MLLT3: variants seen among roughly 807,000 people sequenced by gnomAD.
MLLT3 encodes MLLT3 super elongation complex subunit.
In MLLT3, 4 loss-of-function variants were observed where a neutral mutation model predicts 53.2. The ratio of observed to expected loss-of-function variants is 0.08; its 90% CI spans 0.04 to 0.17. The LOEUF is 0.17. Among genes scored for constraint, MLLT3 ranks in the 10% least tolerant of loss-of-function variants. The pLI is 1.00. For missense variants in MLLT3, 569 were observed against 684.0 expected, an observed-to-expected ratio of 0.83 and a Z score of 1.87; for synonymous variants, 283 against 230.6, an observed-to-expected ratio of 1.23 and a Z score of -2.06.
chr9:20,430,304 ACT>A (rs1823233555), intron 4 of MLLT3, among the ~76,000 whole-genome samples: 1 of 152,138 alleles, frequency 6.6e-6, no homozygotes, highest in African/African-American at 2.4e-5. Context: ...GAGAACTTAC[ACT>A]GAGTCTAAAA....
At chr9:20,506,077 C>T (rs1334781499) in intron 2 of MLLT3, among the ~76,000 whole-genome samples, 1 of 123,810 alleles carries the variant, frequency 8.1e-6, no homozygotes, top group Admixed American at 8.3e-5. Flanking sequence ...CTTTTTTTCT[C>T]TCTTTTTTTT....
chr9:20,487,774 A>C (rs1403619937), intron 2 of MLLT3, among the ~76,000 whole-genome samples: 1 of 152,176 alleles, frequency 6.6e-6, no homozygotes, highest in Non-Finnish European at 1.5e-5. Flanking sequence ...ATAAGGGATT[A>C]TTTCCATTGA....
intron 2 of MLLT3, among the ~76,000 whole-genome samples, chr9:20,464,669 G>A (rs529532184): frequency 4.6e-5 from 7 of 152,176 alleles, no homozygotes; most frequent in East Asian, 3.9e-4. Flanking sequence ...GAAAAAAAGC[G>A]GGGAGGGTAT....
chr9:20,471,833 ATT>A (rs202241460), intron 2 of MLLT3, among the ~76,000 whole-genome samples: 7 of 143,196 alleles, frequency 4.9e-5, no homozygotes, highest in African/African-American at 1.0e-4. Flanking sequence ...GTCACCTACC[ATT>A]TTTTTTTTTT....
Position 20,420,459 on chromosome 9 carries a change from A to G in MLLT3, c.421-6034T>C, listed in dbSNP as rs139370178. Among the ~76,000 whole-genome samples the G allele has an allele frequency of 1.5e-3, 230 of 152,362 alleles. 3 individuals carry two copies. In the East Asian group the frequency reaches 0.03, roughly 20 times the overall value. On this transcript the variant is annotated intron_variant, in intron 4 of 10. Coordinates refer to ENST00000380338, the MANE Select transcript of MLLT3 (RefSeq NM_004529.4). ...AAGAAAGTATGAGTGCTAGATTAATATCAGATCATGTGGAATTCAACGTTG... is the reference window on the plus strand; with the variant it reads ...AAGAAAGTATGAGTGCTAGATTAATGTCAGATCATGTGGAATTCAACGTTG...
chr9:20,592,781 C>T lies in MLLT3; in HGVS notation c.193+27873G>A, dbSNP rs543741914. Among the ~76,000 whole-genome samples, 7 of 152,170 alleles carry T rather than the reference C, an allele frequency of 4.6e-5. No individual in the cohort carries two copies. In the East Asian group the frequency reaches 1.3e-3, roughly 29 times the overall value. On this transcript the variant is annotated intron_variant, in intron 2 of 10. Coordinates refer to ENST00000380338, the MANE Select transcript of MLLT3 (RefSeq NM_004529.4). ...GTCTAACCAGATCCCTCCTAGAATGCAGGTGCACTTCAGCCATACGATTAC... is the reference window on the plus strand; with the variant it reads ...GTCTAACCAGATCCCTCCTAGAATGTAGGTGCACTTCAGCCATACGATTAC...
chr9:20,561,734 A>G (rs1433760815), intron 2 of MLLT3, among the ~76,000 whole-genome samples: 1 of 152,202 alleles, frequency 6.6e-6, no homozygotes, highest in African/African-American at 2.4e-5. Context: ...TGAAGTTTAC[A>G]TCCACAAATC....
intron 3 of MLLT3, among the ~76,000 whole-genome samples, chr9:20,452,302 T>C (rs1823859323): frequency 2.0e-5 from 3 of 152,196 alleles, no homozygotes; most frequent in African/African-American, 7.2e-5. Context: ...CCTCATGCTG[T>C]TCTCATGATA....
intron 2 of MLLT3, among the ~76,000 whole-genome samples, chr9:20,596,348 T>G (rs114411179): frequency 7.2e-5 from 11 of 152,332 alleles, no homozygotes; most frequent in African/African-American, 2.6e-4. Flanking sequence ...AAGACGTCCC[T>G]ATTTTCATGA....
intron 2 of MLLT3, among the ~76,000 whole-genome samples, chr9:20,490,360 G>C (rs527642275): frequency 3.3e-5 from 5 of 152,364 alleles, no homozygotes; most frequent in African/African-American, 1.2e-4. Flanking sequence ...GCGTACAAGA[G>C]AGAAGTCAGA....
At chr9:20,532,984 C>T (rs1041468407) in intron 2 of MLLT3, 22 of 267,430 alleles carry the variant, frequency 8.2e-5, no homozygotes, top group Non-Finnish European at 5.1e-5. Flanking sequence ...AATATCATCA[C>T]CACCTTGGTG....
intron 4 of MLLT3, among the ~76,000 whole-genome samples, chr9:20,438,063 T>A (rs894744119): frequency 3.9e-5 from 6 of 152,168 alleles, no homozygotes; most frequent in African/African-American, 1.4e-4. Context: ...ACAATAGTGT[T>A]ATAAGCTAAA....
At chr9:20,464,625 A>G (rs1226274106) in intron 2 of MLLT3, among the ~76,000 whole-genome samples, 3 of 152,070 alleles carry the variant, frequency 2.0e-5, no homozygotes. Context: ...TCCCTCTTTA[A>G]GGAAGTGGCA....
At chr9:20,571,230 C>T (rs1269569224) in intron 2 of MLLT3, among the ~76,000 whole-genome samples, 1 of 152,210 alleles carries the variant, frequency 6.6e-6, no homozygotes, top group African/African-American at 2.4e-5. Context: ...AACCTTTTAA[C>T]TGCAACAAAA....
At position 20,622,478 on chromosome 9, in the gene MLLT3, C is replaced by T; in HGVS notation, c.-222G>A. On this transcript the variant is annotated 5_prime_UTR_variant, in exon 1 of 11. Transcript: ENST00000380338. ...GCAAAAGCAGCAGCAGCAGCAGCAG[C>T]TCCAGGGTAAAGAAGATGATTGCGG... The T allele has an allele frequency of 1.9e-6, 1 of 532,994 alleles. No homozygotes were observed. The highest frequency in any genetic ancestry group is 3.3e-6 in the Non-Finnish European group (1 of 301,534). 33.0% of individuals were successfully genotyped at this position (532,994 alleles called of 1,614,324 possible).
chr9:20,536,818 G>T (rs1818499804), intron 2 of MLLT3, among the ~76,000 whole-genome samples: 1 of 150,918 alleles, frequency 6.6e-6, no homozygotes, highest in Admixed American at 6.6e-5. Context: ...TCCAGTATGG[G>T]ACGACTCCTG....
chr9:20,417,631 C>T (rs745409338), intron 4 of MLLT3, among the ~76,000 whole-genome samples: 34 of 151,984 alleles, frequency 2.2e-4, no homozygotes, highest in Non-Finnish European at 4.4e-4. Flanking sequence ...ATATTTAAGG[C>T]AAATGATTGT....
At position 20,620,573 on chromosome 9, in the gene MLLT3, A is replaced by C; in HGVS notation, c.193+81T>G. The stretch of plus-strand genomic sequence containing the variant: ...GGCGAGCGCGGCGCGGGGGGCGGGG[A>C]GCGGGACAGCGGGACCGCCCGGGCC... On this transcript the variant is annotated intron_variant, in intron 2 of 10. Coordinates refer to ENST00000380338, the MANE Select transcript of MLLT3 (RefSeq NM_004529.4). This position sits in a 1 kb window ranked among gnomAD's most constrained non-coding sequence, Gnocchi z 6.1. 4 of 1,293,386 alleles carry C rather than the reference A, an allele frequency of 3.1e-6. No homozygotes were observed. Among genetic ancestry groups the C allele is most frequent in the Non-Finnish European group, 2.1e-6 (2 of 957,666 alleles). 80.1% of individuals were successfully genotyped at this position (1,293,386 alleles called of 1,614,324 possible). A position where few individuals can be genotyped will look rare whatever the true frequency, so the allele number is the denominator to read the frequency against.
intron 4 of MLLT3, among the ~76,000 whole-genome samples, chr9:20,426,301 G>A (rs985173212): frequency 6.6e-6 from 1 of 152,012 alleles, no homozygotes; most frequent in Non-Finnish European, 1.5e-5. Flanking sequence ...TACAGTTCCT[G>A]CTTTATTAAA....
Sources: gnomAD v4.1 joint callset for allele counts (sites outside exome capture counted in the v4.1 genomes callset) on GRCh38, gnomAD v4.1.1 for gene constraint, Gnocchi (gnomAD v3.1) non-coding constraint, MANE v1.5 for transcripts, NCBI Gene and HGNC (gene_info 2026-07-23, HGNC 2026-07-21) for gene names.